The following PCDHGA9 variants were observed in gnomAD, a reference collection of about 807,000 sequenced individuals.
The protein encoded by PCDHGA9 is protocadherin gamma subfamily A, 9, also known as protocadherin gamma-A9.
In PCDHGA9, 37 loss-of-function variants were observed where a neutral mutation model predicts 62.5. That is an observed-to-expected ratio of 0.59 (90% CI 0.46 to 0.78). The LOEUF is 0.78. Ranked by LOEUF, PCDHGA9 falls within the 30% of genes least tolerant of loss-of-function variation. The pLI, the probability that PCDHGA9 is intolerant of heterozygous loss-of-function variation, is 0.00. For synonymous variants in PCDHGA9, 459 were observed against 484.6 expected (o/e 0.95, Z 0.69); for missense variants, 1,138 against 1,166.2 (o/e 0.98, Z 0.35).
In PCDHGA9 at chr5:141,431,514, C is replaced by T. The variant is rs760416874; in HGVS notation, c.2424+26138C>T. ...CAGCCCGAGTACCGCGCGAGCGTTC[C>T]GGAGAATCTGGCCTTGGGCACGCAG... On this transcript the variant is annotated intron_variant, in intron 1 of 3. Transcript: ENST00000573521. This position sits in a 1 kb window ranked among gnomAD's most constrained non-coding sequence, Gnocchi z 4.8. 3.1e-6 allele frequency: 5 copies of T among 1,614,012 alleles called. No homozygotes were observed. The highest frequency in any genetic ancestry group is 1.1e-5 in the South Asian group (1 of 91,082).
intron 1 of PCDHGA9, chr5:141,422,304 A>G: frequency 6.5e-7 from 1 of 1,548,524 alleles, no homozygotes; most frequent in Non-Finnish European, 8.7e-7. Context: ...CAATTCTGGA[A>G]AACTCTCCTC....
intron 1 of PCDHGA9, chr5:141,492,079 G>A (rs1400390407): frequency 4.1e-6 from 2 of 486,168 alleles, no homozygotes; most frequent in African/African-American, 2.0e-5. Context: ...CGCCGGCTCC[G>A]GCACGCTTCG....
rs762312563 is a variant in PCDHGA9 at position 141,493,182 on chromosome 5, A to G, written c.2425-1625A>G. Among the ~76,000 whole-genome samples, 1 of 152,232 alleles carries G rather than the reference A, an allele frequency of 6.6e-6. No homozygotes were observed. The highest frequency in any genetic ancestry group is 2.4e-5 in the African/African-American group (1 of 41,460). The stretch of plus-strand genomic sequence containing the variant: ...TAGCTGATTGAGAGAAACTTACTAT[A>G]TAACTCCTTTGAGAACCTCATCTCA... On this transcript the variant is annotated intron_variant, in intron 1 of 3. Coordinates refer to ENST00000573521, the MANE Select transcript of PCDHGA9 (RefSeq NM_018921.3). The surrounding 1 kb of genome is among the most constrained non-coding windows in gnomAD (Gnocchi z 4.3).
At chr5:141,450,006 C>CTTTTTT (rs1554136305) in intron 1 of PCDHGA9, among the ~76,000 whole-genome samples, 15 of 132,950 alleles carry the variant, frequency 1.1e-4, no homozygotes, top group African/African-American at 2.0e-4. Context: ...TGCCATGTCT[C>CTTTTTT]TTTTTTTTTT....
chr5:141,423,474 T>C, intron 1 of PCDHGA9: 1 of 1,614,004 alleles, frequency 6.2e-7, no homozygotes, highest in Non-Finnish European at 8.5e-7. Flanking sequence ...GGGTACAGGC[T>C]TTCCTGCAAA....
chr5:141,484,962 G>A (rs2099604361), intron 1 of PCDHGA9: 1 of 577,858 alleles, frequency 1.7e-6, no homozygotes, highest in Non-Finnish European at 3.1e-6. Flanking sequence ...GGCTGAGCCC[G>A]GGAGCCGCTG....
intron 1 of PCDHGA9, chr5:141,422,697 C>T (rs1406213402): frequency 3.7e-6 from 6 of 1,603,284 alleles, no homozygotes; most frequent in South Asian, 1.1e-5. Flanking sequence ...TGGTCACTTA[C>T]TCTCTGACGG....
chr5:141,495,424 A>G (rs927637242), intron 2 of PCDHGA9, among the ~76,000 whole-genome samples: 2 of 152,088 alleles, frequency 1.3e-5, no homozygotes, highest in Non-Finnish European at 2.9e-5. Flanking sequence ...CCCTCCTCCC[A>G]CTGTCCTCTG....
At chr5:141,466,583 C>T (rs2099125595) in intron 1 of PCDHGA9, among the ~76,000 whole-genome samples, 1 of 152,184 alleles carries the variant, frequency 6.6e-6, no homozygotes, top group Admixed American at 6.6e-5. Flanking sequence ...CTCATCCCTT[C>T]TTAAAACAAG....
At position 141,431,294 on chromosome 5, in the gene PCDHGA9, T is replaced by C; in HGVS notation, c.2424+25918T>C. 1.9e-6 allele frequency: 3 copies of C among 1,614,096 alleles called. No individual in the cohort carries two copies. Among genetic ancestry groups the C allele is most frequent in the Non-Finnish European group, 2.5e-6 (3 of 1,180,026 alleles). ...CGAGCTCAGCCCGAACACTCACTTC[T>C]CCCTCATCGTGCAAAATGGAGCCGA... On this transcript the variant is annotated intron_variant, in intron 1 of 3. Transcript: ENST00000573521. The surrounding 1 kb of genome is among the most constrained non-coding windows in gnomAD (Gnocchi z 4.8).
At chr5:141,407,385 T>A (rs1306044111) in intron 1 of PCDHGA9, among the ~76,000 whole-genome samples, 1 of 152,228 alleles carries the variant, frequency 6.6e-6, no homozygotes, top group South Asian at 2.1e-4. Flanking sequence ...GGCTTGTATG[T>A]CATGGTAGGT....
chr5:141,410,837 TTTTGTC>T, intron 1 of PCDHGA9: 3 of 501,732 alleles, frequency 6.0e-6, no homozygotes. Context: ...ACTGAAGATA[TTTTGTC>T]TTTGTCTTTT....
chr5:141,452,387 G>A (rs1052689230), intron 1 of PCDHGA9, among the ~76,000 whole-genome samples: 5 of 152,146 alleles, frequency 3.3e-5, no homozygotes, highest in African/African-American at 1.2e-4. Context: ...ATAGTATTTA[G>A]AAACTAAGAT....
At chr5:141,451,597 C>CAAGG (rs1434393705) in intron 1 of PCDHGA9, among the ~76,000 whole-genome samples, 3 of 152,076 alleles carry the variant, frequency 2.0e-5, no homozygotes, top group Non-Finnish European at 2.9e-5. Flanking sequence ...AAGTGACATA[C>CAAGG]AAGGCTAGGC....
intron 1 of PCDHGA9, chr5:141,424,460 C>T (rs2096822106): frequency 6.6e-6 from 1 of 152,056 alleles, no homozygotes; most frequent in African/African-American, 2.4e-5. Context: ...GTATTATTTC[C>T]TTTTATTCTT....
At position 141,476,455 on chromosome 5, in the gene PCDHGA9, G is replaced by A. The variant is rs572682842; in HGVS notation, c.2425-18352G>A. The A allele has an allele frequency of 1.2e-6, 2 of 1,614,034 alleles. No individual in the cohort carries two copies. The highest frequency in any genetic ancestry group is 2.2e-5 in the South Asian group (2 of 91,084). ...CTGTAACTCTGGAGTTGGTAGTGGA[G>A]AACCCGCTGGAGCTGTTCAGCGTGG... On this transcript the variant is annotated intron_variant, in intron 1 of 3. Coordinates refer to ENST00000573521, the MANE Select transcript of PCDHGA9 (RefSeq NM_018921.3). This position sits in a 1 kb window ranked among gnomAD's most constrained non-coding sequence, Gnocchi z 7.6.
chr5:141,487,824 C>A lies in PCDHGA9; in HGVS notation c.2425-6983C>A. The stretch of plus-strand genomic sequence containing the variant: ...TCACAGTTTAGCATTGGGGGCGGGT[C>A]ATGCCTATATCTGAGTAAGAAATGA... On this transcript the variant is annotated intron_variant, in intron 1 of 3. Coordinates refer to ENST00000573521, the MANE Select transcript of PCDHGA9 (RefSeq NM_018921.3). This position sits in a 1 kb window ranked among gnomAD's most constrained non-coding sequence, Gnocchi z 5.0. 2 of 1,247,252 alleles carry A rather than the reference C, an allele frequency of 1.6e-6. No individual in the cohort carries two copies. The highest frequency in any genetic ancestry group is 2.9e-5 in the South Asian group (2 of 68,154). The allele number at this position is 1,247,252 out of a possible 1,614,324, so 77.3% of individuals were successfully genotyped here. A position where few individuals can be genotyped will look rare whatever the true frequency, so the allele number is the denominator to read the frequency against.
At chr5:141,415,767 T>TTTTTTTTTTTTTTTTTTTTTG (rs2095942916) in intron 1 of PCDHGA9, 1 of 1,300,668 alleles carries the variant, frequency 7.7e-7, no homozygotes, top group African/African-American at 1.8e-5. Flanking sequence ...TTTTTTTTTT[T>TTTTTTTTTTTTTTTTTTTTTG]TTTTTACTTT....
intron 1 of PCDHGA9, among the ~76,000 whole-genome samples, chr5:141,484,795 C>T (rs1265916821): frequency 6.6e-6 from 1 of 151,784 alleles, no homozygotes; most frequent in African/African-American, 2.4e-5. Context: ...AGATAACAAC[C>T]CGTGGAAAAA....
Sources: gnomAD v4.1 joint callset for allele counts (sites outside exome capture counted in the v4.1 genomes callset) on GRCh38, gnomAD v4.1.1 for gene constraint, Gnocchi (gnomAD v3.1) non-coding constraint, MANE v1.5 for transcripts, NCBI Gene and HGNC (gene_info 2026-07-23, HGNC 2026-07-21) for gene names.